The following ME3 variants were observed in gnomAD, a reference collection of about 807,000 sequenced individuals.
ME3 encodes malic enzyme 3.
ME3 carries 48 observed loss-of-function variants against 68.9 expected under a neutral mutation model. The observed-to-expected ratio is 0.70, with a 90% CI of 0.55 to 0.89. The LOEUF (loss-of-function observed/expected upper bound fraction) is 0.89, where lower values mean the gene tolerates loss of function less well. Among genes scored for constraint, ME3 ranks in the 40% least tolerant of loss-of-function variants. The pLI, the probability that ME3 is intolerant of heterozygous loss-of-function variation, is 0.00. For missense variants in ME3, 675 were observed against 797.4 expected (o/e 0.85, Z 1.85); for synonymous variants, 320 against 318.8 (o/e 1.00, Z -0.04).
chr11:86,639,898 TG>T (rs1375812965), intron 2 of ME3, among the ~76,000 whole-genome samples: 1 of 152,108 alleles, frequency 6.6e-6, no homozygotes, highest in East Asian at 1.9e-4. Flanking sequence ...AGTGGGTGAT[TG>T]GGGGCAGGAT....
At chr11:86,648,234 G>T (rs1945162110) in intron 2 of ME3, among the ~76,000 whole-genome samples, 1 of 152,146 alleles carries the variant, frequency 6.6e-6, no homozygotes, top group Non-Finnish European at 1.5e-5. Flanking sequence ...TAACATACCA[G>T]AATCTCTGGG....
At chr11:86,600,673 C>T (rs1457721181) in intron 2 of ME3, among the ~76,000 whole-genome samples, 2 of 151,972 alleles carry the variant, frequency 1.3e-5, no homozygotes, top group African/African-American at 2.4e-5. Context: ...TACACCACAC[C>T]TATTCCAAAA....
At position 86,487,327 on chromosome 11, in the gene ME3, G is replaced by T. The variant is rs767387045; in HGVS notation, c.809+10C>A. 1.4e-5 allele frequency: 22 copies of T among 1,609,300 alleles called. No homozygotes were observed. Among genetic ancestry groups the T allele is most frequent in the Non-Finnish European group, 1.7e-5 (20 of 1,175,652 alleles). On this transcript the variant is annotated intron_variant, in intron 7 of 14. Transcript: ENST00000543262. ...GTCCTCTTTCAAAAGGGACAGACTG[G>T]TCCACTTACTTGTCTGTCACAGCCT...
chr11:86,531,424 T>C (rs932827641), intron 4 of ME3, among the ~76,000 whole-genome samples: 5 of 152,158 alleles, frequency 3.3e-5, no homozygotes, highest in Admixed American at 1.3e-4. Context: ...GTTCAACCAT[T>C]GTGGAAGTCA....
At chr11:86,449,837 C>T (rs1372086174) in intron 10 of ME3, 52 bp downstream of exon 10, 4 of 1,378,170 alleles carry the variant, frequency 2.9e-6, no homozygotes, top group East Asian at 2.3e-5. Flanking sequence ...CAGTCCAGTT[C>T]CTGGGAGCTA....
Position 86,660,905 on chromosome 11 carries a change from T to A in ME3, c.183+10857A>T, listed in dbSNP as rs1226513016. On this transcript the variant is annotated intron_variant, in intron 2 of 14. Transcript: ENST00000543262. Reference sequence around the variant, plus strand: ...AGATTTTTTGTGGCTTTCAAAATTCTCCAGTCCCCATGGAGTGATCTAAAA... The same window carrying A: ...AGATTTTTTGTGGCTTTCAAAATTCACCAGTCCCCATGGAGTGATCTAAAA... Among the ~76,000 whole-genome samples the A allele has an allele frequency of 4.6e-5, 7 of 151,336 alleles. 1 individual carries two copies. Among genetic ancestry groups the A allele is most frequent in the Admixed American group, 4.6e-4 (7 of 15,244 alleles).
At chr11:86,562,705 A>C (rs968417815) in intron 2 of ME3, among the ~76,000 whole-genome samples, 1 of 152,000 alleles carries the variant, frequency 6.6e-6, no homozygotes, top group Non-Finnish European at 1.5e-5. Flanking sequence ...ACAGGGGTAC[A>C]TGCGCAGGTT....
chr11:86,590,353 TAAGAGAATGATACAATTCAAG>T (rs1029390903), intron 2 of ME3, among the ~76,000 whole-genome samples: 8 of 152,186 alleles, frequency 5.3e-5, no homozygotes, highest in African/African-American at 1.9e-4. Flanking sequence ...AAAGCAAGGT[TAAGAGAATGATACAATTCAAG>T]ATAAGAACAG....
chr11:86,644,429 A>G (rs530916014), intron 2 of ME3, among the ~76,000 whole-genome samples: 2 of 152,224 alleles, frequency 1.3e-5, no homozygotes, highest in Non-Finnish European at 2.9e-5. Context: ...GCCCACATAC[A>G]CAGACTCCCA....
At chr11:86,586,852 C>T (rs548571947) in intron 2 of ME3, among the ~76,000 whole-genome samples, 123 of 152,058 alleles carry the variant, frequency 8.1e-4, no homozygotes, top group Non-Finnish European at 1.5e-3. Context: ...TTGGATGAAG[C>T]AGTCACTCAG....
At chr11:86,643,885 G>A (rs1944829158) in intron 2 of ME3, among the ~76,000 whole-genome samples, 1 of 152,128 alleles carries the variant, frequency 6.6e-6, no homozygotes, top group Non-Finnish European at 1.5e-5. Context: ...AAGACCATGG[G>A]CAACTCAGTC....
At position 86,527,093 on chromosome 11, in the gene ME3, T is replaced by C. The variant is rs892703786; in HGVS notation, c.468-18226A>G. Among the ~76,000 whole-genome samples the C allele has an allele frequency of 3.9e-5, 6 of 152,112 alleles. No individual in the cohort carries two copies. The East Asian group carries it at 1.2e-3, about 29-fold the overall frequency. On this transcript the variant is annotated intron_variant, in intron 4 of 14. Coordinates refer to ENST00000543262, the Ensembl canonical transcript of ME3. ...AGCTAAAGGAGGAAGTTCGAACCCA[T>C]GGCAAAGAAGTTAAAAACCTTGAAA...
chr11:86,640,696 T>C (rs55763915), intron 2 of ME3, among the ~76,000 whole-genome samples: 14,401 of 152,322 alleles, frequency 0.095, 702 homozygotes, highest in South Asian at 0.13. Context: ...ATCCTCATTC[T>C]TCTCTCTCAT....
intron 2 of ME3, among the ~76,000 whole-genome samples, chr11:86,648,060 C>G (rs1945148815): frequency 6.6e-6 from 1 of 152,206 alleles, no homozygotes. Flanking sequence ...CTAACATTCT[C>G]TCAGACTGCA....
intron 2 of ME3, among the ~76,000 whole-genome samples, chr11:86,598,405 C>T (rs922305141): frequency 1.3e-5 from 2 of 152,184 alleles, no homozygotes; most frequent in African/African-American, 2.4e-5. Flanking sequence ...GGAGGGGCAC[C>T]CGCCATTGCC....
intron 4 of ME3, among the ~76,000 whole-genome samples, chr11:86,552,772 T>A (rs995440356): frequency 2.6e-5 from 4 of 152,200 alleles, no homozygotes; most frequent in Non-Finnish European, 5.9e-5. Context: ...ACAAGTGTCA[T>A]AATGTTTTCT....
At chr11:86,449,845 C>T in intron 10 of ME3, 44 bp downstream of exon 10, 3 of 1,438,676 alleles carry the variant, frequency 2.1e-6, no homozygotes, top group Non-Finnish European at 2.9e-6. Flanking sequence ...TTCCTGGGAG[C>T]TATAAGGTGT....
rs748546819 is a variant in ME3, at chr11:86,448,267, G to A, written c.1132-12C>T. The A allele has an allele frequency of 5.0e-6, 8 of 1,598,292 alleles. No individual in the cohort carries two copies. The highest frequency in any genetic ancestry group is 3.3e-4 in the Middle Eastern group (2 of 6,060). On this transcript the variant is annotated splice_polypyrimidine_tract_variant and intron_variant, in intron 10 of 14. Transcript: ENST00000543262. The stretch of plus-strand genomic sequence containing the variant: ...AGGTGGCTCCTCCCCTACAGGAAAA[G>A]GAACACAGAGCAGTTGTGGTCGTGA...
chr11:86,552,775 T>C (rs1956757707), intron 4 of ME3, among the ~76,000 whole-genome samples: 1 of 152,180 alleles, frequency 6.6e-6, no homozygotes, highest in African/African-American at 2.4e-5. Flanking sequence ...AGTGTCATAA[T>C]GTTTTCTTTC....
Sources: allele counts gnomAD v4.1 joint callset (sites outside exome capture counted in the v4.1 genomes callset), GRCh38; gene constraint gnomAD v4.1.1; transcripts MANE v1.5; gene names NCBI Gene and HGNC (gene_info 2026-07-23, HGNC 2026-07-21).